The following CFAP74 variants were observed in gnomAD, a reference collection of about 807,000 sequenced individuals.
The protein encoded by CFAP74 is cilia and flagella associated protein 74.
A neutral mutation model predicts 188.9 loss-of-function variants in CFAP74; 124 were observed. The observed-to-expected ratio is 0.66, with a 90% CI of 0.57 to 0.76. The LOEUF (loss-of-function observed/expected upper bound fraction) is 0.76, where lower values mean the gene tolerates loss of function less well. Among genes scored for constraint, CFAP74 ranks in the 30% least tolerant of loss-of-function variants. The pLI is 0.00. For synonymous variants in CFAP74, 956 were observed against 916.7 expected, an observed-to-expected ratio of 1.04 and a Z score of -0.77; for missense variants, 2,198 against 2,165.2, an observed-to-expected ratio of 1.02 and a Z score of -0.30.
chr1:1,932,710 A>G (rs1405122549), intron 25 of CFAP74, among the ~76,000 whole-genome samples: 1 of 148,794 alleles, frequency 6.7e-6, no homozygotes, highest in Non-Finnish European at 1.5e-5. Context: ...CTCCTGCCTC[A>G]GTCTCCCAAG....
At chr1:1,954,910 C>CGCCT (rs1654443436) in intron 18 of CFAP74, 2 of 1,183,172 alleles carry the variant, frequency 1.7e-6, no homozygotes, top group African/African-American at 3.2e-5. Context: ...GCAGAACGGC[C>CGCCT]TTCGCAACAG....
At chr1:1,979,191 G>A (rs376216382) in intron 6 of CFAP74, among the ~76,000 whole-genome samples, 2 of 89,732 alleles carry the variant, frequency 2.2e-5, no homozygotes, top group African/African-American at 8.7e-5. Context: ...CACGTGTGTC[G>A]TGCTGAGCTG....
chr1:1,965,986 G>A lies in CFAP74; in HGVS notation c.1401+385C>T, dbSNP rs906890493. Among the ~76,000 whole-genome samples the A allele has an allele frequency of 1.2e-4, 19 of 152,246 alleles. 1 individual carries two copies. Among genetic ancestry groups the A allele is most frequent in the Middle Eastern group, 6.3e-3 (2 of 316 alleles). On this transcript the variant is annotated intron_variant, in intron 12 of 38. Coordinates refer to ENST00000682832, the MANE Select transcript of CFAP74 (RefSeq NM_001304360.2). ...TGGGGCATGTTTCTTACAAAAGGCC[G>A]TCAAAGAAAGTTTGCACGCTTCTTC...
chr1:1,956,703 CGTT>C lies in CFAP74; in HGVS notation c.1930_1932del (p.Asn644del), dbSNP rs1558024303. 6.2e-7 allele frequency: 1 copy of C among 1,614,088 alleles called. No individual in the cohort carries two copies. Among genetic ancestry groups the C allele is most frequent in the South Asian group, 1.1e-5 (1 of 91,064 alleles). ...TTGAAAGTCGTGCCCAAGCCCCCAA[CGTT>C]GGTCAGCGTGATGGTCCGAGACGTG... On this transcript the variant is annotated inframe_deletion, in exon 17 of 39. Transcript: ENST00000682832.
At chr1:1,929,803 G>A (rs1483561387) in intron 26 of CFAP74, among the ~76,000 whole-genome samples, 5 of 152,044 alleles carry the variant, frequency 3.3e-5, no homozygotes, top group Admixed American at 6.5e-5. Context: ...GCAGCCTGGG[G>A]AGCTCCTGCC....
At chr1:1,941,592 T>G (rs1653379179) in intron 22 of CFAP74, among the ~76,000 whole-genome samples, 1 of 151,952 alleles carries the variant, frequency 6.6e-6, no homozygotes, top group Non-Finnish European at 1.5e-5. Context: ...AGGGAGTTAC[T>G]GGGAAAGGGA....
intron 18 of CFAP74, chr1:1,955,398 A>C (rs758114346): frequency 2.0e-5 from 28 of 1,405,456 alleles, no homozygotes; most frequent in Non-Finnish European, 2.5e-5. Context: ...GGGGCACCGC[A>C]GAGCCTCTTC....
At position 1,944,320 on chromosome 1, in the gene CFAP74, AG is replaced by A. The variant is rs1160048854; in HGVS notation, c.2486+10del. On this transcript the variant is annotated intron_variant, in intron 21 of 38. Transcript: ENST00000682832. The stretch of plus-strand genomic sequence containing the variant: ...GGGTCACCCCGTGTGCATGGACAGG[AG>A]GGGGCTCACCGCGTGTGCACGAGCA... The A allele has an allele frequency of 5.2e-6, 8 of 1,532,496 alleles. No homozygotes were observed. Among genetic ancestry groups the A allele is most frequent in the Non-Finnish European group, 6.1e-6 (7 of 1,146,054 alleles). The allele number at this position is 1,532,496 out of a possible 1,614,324, so 94.9% of individuals were successfully genotyped here.
rs1301521931 is a variant in CFAP74, at chr1:1,968,950, C to T, written c.1047-117G>A. 11 of 515,132 alleles carry T rather than the reference C, an allele frequency of 2.1e-5. No individual in the cohort carries two copies. Among genetic ancestry groups the T allele is most frequent in the Non-Finnish European group, 3.4e-5 (11 of 321,896 alleles). 31.9% of individuals were successfully genotyped at this position (515,132 alleles called of 1,614,324 possible). A position where few individuals can be genotyped will look rare whatever the true frequency, so the allele number is the denominator to read the frequency against. Reference sequence around the variant, plus strand: ...CCCTCCTGGGGGCTCCGGTCCTGCCCAGCAGCCCCAGGTGAGACAGCGCCT... The same window carrying T: ...CCCTCCTGGGGGCTCCGGTCCTGCCTAGCAGCCCCAGGTGAGACAGCGCCT... On this transcript the variant is annotated intron_variant, in intron 10 of 38. Transcript: ENST00000682832. This position sits in a 1 kb window ranked among gnomAD's most constrained non-coding sequence, Gnocchi z 4.3.
intron 15 of CFAP74, 145 bp from the exon 16 acceptor site, chr1:1,959,354 C>T (rs1654901632): frequency 3.3e-6 from 2 of 606,566 alleles, no homozygotes; most frequent in Non-Finnish European, 2.9e-6. Context: ...TCCACCCACC[C>T]CCACCTGGGG....
chr1:1,990,738 G>C (rs903895685), intron 2 of CFAP74, 152 bp downstream of exon 2: 2 of 522,842 alleles, frequency 3.8e-6, no homozygotes, highest in Non-Finnish European at 6.7e-6. Flanking sequence ...TTCAAATAAA[G>C]ACAATAATAT....
intron 27 of CFAP74, 140 bp from the exon 28 acceptor site, chr1:1,927,886 C>A (rs113906748): frequency 1.1e-6 from 1 of 936,198 alleles, no homozygotes; most frequent in Non-Finnish European, 1.6e-6. Flanking sequence ...AGCCGACCGG[C>A]GCCCGAGGAA....
rs1655627429 is a variant in CFAP74 at position 1,968,324 on chromosome 1, G to A, written c.1245+311C>T. Among the ~76,000 whole-genome samples, 1 of 152,160 alleles carries A rather than the reference G, an allele frequency of 6.6e-6. No homozygotes were observed. Among genetic ancestry groups the A allele is most frequent in the Non-Finnish European group, 1.5e-5 (1 of 68,010 alleles). On this transcript the variant is annotated intron_variant, in intron 11 of 38. Coordinates refer to ENST00000682832, the MANE Select transcript of CFAP74 (RefSeq NM_001304360.2). The surrounding 1 kb of genome is among the most constrained non-coding windows in gnomAD (Gnocchi z 4.3). ...CCAGCTCTACAGGGCCAGGCAAGGTGGTCCCAGCCTGGTGGGCAGCAACAC... is the reference window on the plus strand; with the variant it reads ...CCAGCTCTACAGGGCCAGGCAAGGTAGTCCCAGCCTGGTGGGCAGCAACAC...
At chr1:1,966,689 C>G (rs1655500057) in intron 11 of CFAP74, among the ~76,000 whole-genome samples, 163 bp from the exon 12 acceptor site, 1 of 152,186 alleles carries the variant, frequency 6.6e-6, no homozygotes, top group Non-Finnish European at 1.5e-5. Flanking sequence ...GTAACTTTTT[C>G]TACTTGAAAT....
In CFAP74 at chr1:1,986,981, C is replaced by G. The variant is rs758733496; in HGVS notation, c.351G>C (p.Glu117Asp). ...QRRDLIDKQQ[E>D]AVAAEIATEE... is the part of the protein sequence containing the mutation. ...CTGTGGCGATCTCGGCTGCCACAGC[C>G]TCCTGCTGCTTGTCGATCAGGTCCC... Residue 117 changes from glutamate to aspartate, a missense_variant, in exon 5 of 39, where the codon GAG (glutamate) becomes GAC (aspartate). By Grantham distance (45) the Glu-to-Asp change is conservative. Coordinates refer to ENST00000682832, the MANE Select transcript of CFAP74 (RefSeq NM_001304360.2). 2 of 1,601,878 alleles carry G rather than the reference C, an allele frequency of 1.2e-6. No individual in the cohort carries two copies. The highest frequency in any genetic ancestry group is 3.3e-5 in the Admixed American group (2 of 59,998).
At chr1:1,954,914 G>A (rs1344318691) in intron 18 of CFAP74, 7 of 1,173,774 alleles carry the variant, frequency 6.0e-6, no homozygotes, top group East Asian at 6.2e-5. Flanking sequence ...AACGGCCTTC[G>A]CAACAGTGTG....
At position 1,974,137 on chromosome 1, in the gene CFAP74, G is replaced by A. The variant is rs367605198; in HGVS notation, c.562C>T (p.Arg188Cys). ...GRLEAFRTAD[R>C]EEVEATGRRL... The stretch of plus-strand genomic sequence containing the variant: ...CGCCCCGTGGCCTCCACCTCCTCAC[G>A]GTCAGCTGTCCGGAAGGCCTCGAGT... Residue 188 changes from arginine to cysteine, a missense_variant, in exon 7 of 39, where the codon CGT (arginine) becomes TGT (cysteine). Arg to Cys is a radical substitution (Grantham distance 180, BLOSUM62 -3). Transcript: ENST00000682832. The A allele has an allele frequency of 6.0e-5, 97 of 1,612,434 alleles. 1 individual carries two copies. In the African/African-American group the frequency reaches 7.5e-4, roughly 12 times the overall value.
chr1:1,982,709 G>A (rs951526168), intron 6 of CFAP74, among the ~76,000 whole-genome samples: 6 of 152,256 alleles, frequency 3.9e-5, no homozygotes, highest in Non-Finnish European at 7.3e-5. Flanking sequence ...GAGGGCGGCA[G>A]GTGGGCTCCG....
chr1:1,970,673 C>T lies in CFAP74; in HGVS notation c.1032G>A (p.Leu344=). ...ACCACCCTCACCTCTTCTGGGCCTC[C>T]AGCTCCTGGCGCCGGCGCTGGTGGA... is the stretch of plus-strand genomic sequence containing the variant. The part of the protein sequence containing the change: ...HLVHQRRRQE[L]EAQKRAFEEE... Residue 344 remains leucine, a synonymous_variant, in exon 10 of 39, where the codon CTG becomes CTA. Transcript: ENST00000682832. The T allele has an allele frequency of 3.7e-6, 6 of 1,609,866 alleles. No homozygotes were observed. Among genetic ancestry groups the T allele is most frequent in the Non-Finnish European group, 5.1e-6 (6 of 1,178,234 alleles).
Sources: allele counts gnomAD v4.1 joint callset (sites outside exome capture counted in the v4.1 genomes callset), GRCh38; gene constraint gnomAD v4.1.1; non-coding constraint Gnocchi (gnomAD v3.1); transcripts MANE v1.5; gene names NCBI Gene and HGNC (gene_info 2026-07-23, HGNC 2026-07-21).